Variants in THSD7A observed in about 807,000 individuals in gnomAD.
THSD7A encodes the protein thrombospondin type-1 domain-containing protein 7A.
A neutral mutation model predicts 231.3 loss-of-function variants in THSD7A; 96 were observed. The ratio of observed to expected loss-of-function variants is 0.41; its 90% CI spans 0.35 to 0.49. The LOEUF (loss-of-function observed/expected upper bound fraction) is 0.49. THSD7A is among the 20% of genes least tolerant of loss of function. THSD7A has a pLI of 0.05. For missense variants in THSD7A, 2,290 were observed against 2,070.2 expected, an observed-to-expected ratio of 1.11 and a Z score of -2.06; for synonymous variants, 940 against 743.3, an observed-to-expected ratio of 1.26 and a Z score of -4.30.
At chr7:11,506,024 G>A (rs1287705880) in intron 6 of THSD7A, among the ~76,000 whole-genome samples, 2 of 152,178 alleles carry the variant, frequency 1.3e-5, no homozygotes, top group African/African-American at 4.8e-5. Context: ...AAGAGGTAAA[G>A]AGATTGTCCA....
intron 1 of THSD7A, among the ~76,000 whole-genome samples, chr7:11,651,211 T>C (rs181550306): frequency 3.9e-4 from 60 of 152,178 alleles, no homozygotes; most frequent in Non-Finnish European, 6.5e-4. Flanking sequence ...TGATCCCATT[T>C]ATATGAAATA....
At chr7:11,553,289 T>C (rs2128326905) in intron 4 of THSD7A, among the ~76,000 whole-genome samples, 1 of 152,266 alleles carries the variant, frequency 6.6e-6, no homozygotes. Flanking sequence ...TGTATAATTC[T>C]ATTCCTTTGG....
At chr7:11,445,690 A>C (rs1373899992) in intron 13 of THSD7A, among the ~76,000 whole-genome samples, 1 of 152,014 alleles carries the variant, frequency 6.6e-6, no homozygotes, top group Non-Finnish European at 1.5e-5. Context: ...AACTGATTCA[A>C]ATCTTATTTC....
chr7:11,794,250 A>C (rs1016113119), intron 1 of THSD7A, among the ~76,000 whole-genome samples: 2 of 152,020 alleles, frequency 1.3e-5, no homozygotes, highest in African/African-American at 4.8e-5. Context: ...TATACTACAA[A>C]GTTGCATAAA....
chr7:11,545,278 G>C (rs909961662), intron 4 of THSD7A, among the ~76,000 whole-genome samples: 2 of 151,840 alleles, frequency 1.3e-5, no homozygotes. Flanking sequence ...TTAAATCTTG[G>C]TGCTACTATA....
chr7:11,394,788 C>T (rs904884883), intron 23 of THSD7A, among the ~76,000 whole-genome samples: 1 of 152,190 alleles, frequency 6.6e-6, no homozygotes, highest in Admixed American at 6.5e-5. Flanking sequence ...TGCTCTTACA[C>T]TGCATACCTG....
chr7:11,422,283 A>G (rs1784170674), intron 16 of THSD7A, among the ~76,000 whole-genome samples: 1 of 152,186 alleles, frequency 6.6e-6, no homozygotes, highest in Non-Finnish European at 1.5e-5. Context: ...GATAGGCCAT[A>G]TCATCCTTAA....
At chr7:11,627,820 T>C (rs759145840) in intron 2 of THSD7A, among the ~76,000 whole-genome samples, 2 of 152,176 alleles carry the variant, frequency 1.3e-5, no homozygotes, top group Non-Finnish European at 2.9e-5. Flanking sequence ...TCTATCATTT[T>C]GAAATAAATA....
chr7:11,802,396 T>A (rs150675748), intron 1 of THSD7A, among the ~76,000 whole-genome samples: 121 of 152,280 alleles, frequency 7.9e-4, no homozygotes, highest in African/African-American at 2.8e-3. Context: ...AGAAACAACA[T>A]CTGTGTGTTG....
intron 1 of THSD7A, among the ~76,000 whole-genome samples, chr7:11,681,768 A>T (rs926999574): frequency 3.9e-5 from 6 of 151,994 alleles, no homozygotes; most frequent in Admixed American, 3.9e-4. Flanking sequence ...AAGTCCTGTG[A>T]GATACTAAGC....
chr7:11,758,597 T>G (rs762191599), intron 1 of THSD7A, among the ~76,000 whole-genome samples: 2 of 151,988 alleles, frequency 1.3e-5, no homozygotes, highest in Non-Finnish European at 2.9e-5. Flanking sequence ...ATGCCAGGAC[T>G]CCCACAACGT....
chr7:11,389,566 CTTTATCCAA>C (rs943675087), intron 23 of THSD7A, among the ~76,000 whole-genome samples: 1 of 150,946 alleles, frequency 6.6e-6, no homozygotes, highest in Non-Finnish European at 1.5e-5. Flanking sequence ...GGTCTTGACT[CTTTATCCAA>C]TTTGCCAGTC....
chr7:11,549,023 AT>A (rs1437789778), intron 4 of THSD7A, among the ~76,000 whole-genome samples: 8 of 152,188 alleles, frequency 5.3e-5, no homozygotes, highest in Non-Finnish European at 1.0e-4. Flanking sequence ...AAGGTCTAAT[AT>A]CCAGAATCTA....
In THSD7A at chr7:11,637,886, C is replaced by T. The variant is rs1343732541; in HGVS notation, c.191-925G>A. On this transcript the variant is annotated intron_variant, in intron 1 of 27. Transcript: ENST00000423059. This position sits in a 1 kb window ranked among gnomAD's most constrained non-coding sequence, Gnocchi z 4.2. ...TTTCAGTACTTTAATAGACAGATCC[C>T]AATTTACGAAATTGAGAATTGTATT... Among the ~76,000 whole-genome samples, 1 of 151,976 alleles carries T rather than the reference C, an allele frequency of 6.6e-6. No homozygotes were observed. The highest frequency in any genetic ancestry group is 2.4e-5 in the African/African-American group (1 of 41,364).
intron 1 of THSD7A, chr7:11,821,159 G>A: frequency 8.9e-7 from 1 of 1,127,254 alleles, no homozygotes; most frequent in Non-Finnish European, 1.3e-6. Context: ...AAGTGTTTAT[G>A]TAATGTCATT....
At chr7:11,396,082 A>T (rs1273276763) in intron 23 of THSD7A, among the ~76,000 whole-genome samples, 1 of 151,860 alleles carries the variant, frequency 6.6e-6, no homozygotes, top group East Asian at 1.9e-4. Context: ...TAAGTAAGTA[A>T]GTTATTTGAA....
intron 13 of THSD7A, 62 bp downstream of exon 13, chr7:11,445,999 G>T: frequency 3.2e-6 from 5 of 1,585,804 alleles, no homozygotes; most frequent in Non-Finnish European, 4.3e-6. Flanking sequence ...ACTATGATGC[G>T]TGTGCATTTT....
intron 17 of THSD7A, among the ~76,000 whole-genome samples, chr7:11,414,828 A>G (rs997477853): frequency 1.3e-5 from 2 of 152,194 alleles, no homozygotes. Flanking sequence ...TGTATTATAT[A>G]AAGGTCTTGT....
At position 11,832,013 on chromosome 7, in the gene THSD7A, G is replaced by T; in HGVS notation, c.-67C>A. 9.3e-7 allele frequency: 1 copy of T among 1,073,400 alleles called. No homozygotes were observed. The highest frequency in any genetic ancestry group is 1.2e-6 in the Non-Finnish European group (1 of 849,568). 66.5% of individuals were successfully genotyped at this position (1,073,400 alleles called of 1,614,324 possible). A position where few individuals can be genotyped will look rare whatever the true frequency, so the allele number is the denominator to read the frequency against. ...CGGCAGGGAATTTTTCTCCGCTCTT[G>T]GAACGTCTTTTCAAAGAGTACAGAA... On this transcript the variant is annotated 5_prime_UTR_variant, in exon 1 of 28. Transcript: ENST00000423059.
Sources: gnomAD v4.1 joint callset for allele counts (sites outside exome capture counted in the v4.1 genomes callset) on GRCh38, gnomAD v4.1.1 for gene constraint, Gnocchi (gnomAD v3.1) non-coding constraint, MANE v1.5 for transcripts, NCBI Gene and HGNC (gene_info 2026-07-23, HGNC 2026-07-21) for gene names.